Variants in KDM5B observed in about 807,000 individuals in gnomAD.
KDM5B encodes the protein lysine demethylase 5B.
A neutral mutation model predicts 193.4 loss-of-function variants in KDM5B; 144 were observed. The observed-to-expected ratio is 0.74, with a 90% CI of 0.65 to 0.86. KDM5B has a LOEUF of 0.86. Among genes scored for constraint, KDM5B ranks in the 40% least tolerant of loss-of-function variants. KDM5B has a pLI of 0.00. For synonymous variants in KDM5B, 668 were observed against 682.6 expected (o/e 0.98, Z 0.33); for missense variants, 1,833 against 1,886.9 (o/e 0.97, Z 0.53).
At chr1:202,808,070 C>G (rs370724142) in intron 1 of KDM5B, 32 bp downstream of exon 1, 1 of 1,599,178 alleles carries the variant, frequency 6.3e-7, no homozygotes, top group Non-Finnish European at 8.5e-7. Context: ...CCCCCAGCCA[C>G]GAGCTGGATC....
intron 4 of KDM5B, among the ~76,000 whole-genome samples, chr1:202,770,700 T>C (rs893543787): frequency 6.6e-6 from 1 of 152,194 alleles, no homozygotes; most frequent in African/African-American, 2.4e-5. Context: ...AAACCTAAGA[T>C]GCAATGATGT....
chr1:202,736,476 ATT>A, intron 20 of KDM5B, 84 bp from the exon 21 acceptor site: 2 of 1,076,498 alleles, frequency 1.9e-6, no homozygotes, highest in Non-Finnish European at 2.6e-6. Context: ...AGATTGGTCC[ATT>A]GAGTACTTCA....
chr1:202,792,896 C>T (rs919252768), intron 1 of KDM5B, among the ~76,000 whole-genome samples: 1 of 151,676 alleles, frequency 6.6e-6, no homozygotes, highest in East Asian at 1.9e-4. Context: ...GCTCCGGAGG[C>T]TGAGGCAGGA....
At chr1:202,739,603 T>C (rs1451876950) in intron 20 of KDM5B, among the ~76,000 whole-genome samples, 5 of 152,232 alleles carry the variant, frequency 3.3e-5, no homozygotes, top group Admixed American at 3.3e-4. Context: ...CTGGTTTTCC[T>C]AGGCAGAGGA....
rs1347311588 is a variant in KDM5B at position 202,728,047 on chromosome 1, A to G, written c.*989T>C. 2 of 152,242 alleles carry G rather than the reference A, an allele frequency of 1.3e-5. No individual in the cohort carries two copies. The highest frequency in any genetic ancestry group is 4.8e-5 in the African/African-American group (2 of 41,244). 9.4% of individuals were successfully genotyped at this position (152,242 alleles called of 1,614,324 possible). A position where few individuals can be genotyped will look rare whatever the true frequency, so the allele number is the denominator to read the frequency against. On this transcript the variant is annotated 3_prime_UTR_variant, in exon 27 of 27. Transcript: ENST00000367265. ...CACCAAACAGAGCAGGACACAAAAG[A>G]AGAATCCCCTAATGTTGTTTGCAGG...
At chr1:202,745,568 A>G (rs1448796229) in intron 16 of KDM5B, among the ~76,000 whole-genome samples, 2 of 152,142 alleles carry the variant, frequency 1.3e-5, no homozygotes, top group African/African-American at 2.4e-5. Flanking sequence ...GAAATGTGAA[A>G]TTTTTATTTC....
chr1:202,743,591 A>C (rs1655439345), intron 16 of KDM5B, among the ~76,000 whole-genome samples: 1 of 152,170 alleles, frequency 6.6e-6, no homozygotes, highest in Admixed American at 6.5e-5. Context: ...GGGCTACAGA[A>C]ATGGAAGCAA....
Position 202,753,858 on chromosome 1 carries a change from C to T in KDM5B, c.1539-791G>A, listed in dbSNP as rs142750169. Among the ~76,000 whole-genome samples the T allele has an allele frequency of 7.8e-3, 1,178 of 151,674 alleles. 18 individuals carry two copies. Among genetic ancestry groups the T allele is most frequent in the African/African-American group, 0.027 (1,109 of 41,374 alleles). ...CTAATTTTTGTATTTTTAGTGGACA[C>T]GGGGTTTCACCATGTTGCCAGGCTG... is the stretch of plus-strand genomic sequence containing the variant. On this transcript the variant is annotated intron_variant, in intron 11 of 26. Transcript: ENST00000367265.
intron 9 of KDM5B, among the ~76,000 whole-genome samples, chr1:202,757,721 TGA>T (rs1656077656): frequency 6.6e-6 from 1 of 151,930 alleles, no homozygotes; most frequent in African/African-American, 2.4e-5. Flanking sequence ...ATCCATAAAT[TGA>T]TACAGCAACT....
intron 9 of KDM5B, among the ~76,000 whole-genome samples, chr1:202,757,587 C>T (rs1296386361): frequency 6.6e-6 from 1 of 152,144 alleles, no homozygotes; most frequent in African/African-American, 2.4e-5. Flanking sequence ...ATAAGGAAGT[C>T]AAGAGAACTG....
rs142272028 is a variant in KDM5B at position 202,780,079 on chromosome 1, C to G, written c.205-2985G>C. 7.5e-3 allele frequency among the ~76,000 whole-genome samples: 1,135 copies of G among 152,190 alleles called. 7 individuals are homozygous for G. The highest frequency in any genetic ancestry group is 0.012 in the Admixed American group (176 of 15,282). ...AATGGCCAATCATAAGACTGGCACC[C>G]AACTTCACTCAAAATTCAAGAAATA... On this transcript the variant is annotated intron_variant, in intron 1 of 26. Transcript: ENST00000367265.
chr1:202,766,591 T>C (rs927188044), intron 5 of KDM5B: 2 of 432,904 alleles, frequency 4.6e-6, no homozygotes, highest in Non-Finnish European at 8.6e-6. Flanking sequence ...CTTCATGTTT[T>C]CTAGCCTTAA....
intron 14 of KDM5B, 26 bp downstream of exon 14, chr1:202,748,919 T>A (rs772976377): frequency 2.5e-6 from 4 of 1,570,544 alleles, no homozygotes; most frequent in Non-Finnish European, 3.5e-6. Context: ...AATGACAACA[T>A]GCAGTTGGAT....
chr1:202,765,912 T>C lies in KDM5B; in HGVS notation c.711+1014A>G, dbSNP rs535152971. ...GCTAGGCAGGAATCCAAAACCTTCA[T>C]ACCTCTGGTATGGGAACGAGATCAC... On this transcript the variant is annotated intron_variant, in intron 5 of 26. Transcript: ENST00000367265. 1.4e-3 allele frequency among the ~76,000 whole-genome samples: 213 copies of C among 152,326 alleles called. 2 individuals carry two copies. The highest frequency in any genetic ancestry group is 2.6e-3 in the Non-Finnish European group (177 of 68,014).
At chr1:202,801,212 G>A (rs992810217) in intron 1 of KDM5B, among the ~76,000 whole-genome samples, 2 of 151,950 alleles carry the variant, frequency 1.3e-5, no homozygotes, top group Non-Finnish European at 1.5e-5. Flanking sequence ...CTGAAGTGAC[G>A]GGTCTGGCAG....
Position 202,774,697 on chromosome 1 carries a change from A to T in KDM5B, c.321T>A (p.Ile107=). The T allele has an allele frequency of 1.2e-6, 2 of 1,613,202 alleles. No individual in the cohort carries two copies. Among genetic ancestry groups the T allele is most frequent in the East Asian group, 2.2e-5 (1 of 44,856 alleles). The change falls in exon 3 of 27, where the codon ATT becomes ATA. Residue 107 remains isoleucine, a synonymous_variant. Transcript: ENST00000367265. The part of the protein sequence containing the change: ...TRVKLNFLDQ[I]AKYWELQGST... ...TTCCCTGTAACTCCCAGTACTTTGC[A>T]ATCTGGTCCAAGAAATTCAATTTTA...
chr1:202,803,275 C>G (rs1230888732), intron 1 of KDM5B, among the ~76,000 whole-genome samples: 1 of 152,154 alleles, frequency 6.6e-6, no homozygotes, highest in Non-Finnish European at 1.5e-5. Flanking sequence ...TAAAACCATA[C>G]CCTATAACCA....
intron 1 of KDM5B, among the ~76,000 whole-genome samples, chr1:202,777,748 C>T (rs1009621522): frequency 1.3e-5 from 2 of 152,136 alleles, no homozygotes; most frequent in African/African-American, 4.8e-5. Context: ...ATCCTCCCAC[C>T]TTTGCCTCCC....
chr1:202,790,157 C>A lies in KDM5B; in HGVS notation c.205-13063G>T, dbSNP rs138679297. Among the ~76,000 whole-genome samples the A allele has an allele frequency of 7.8e-3, 1,180 of 152,128 alleles. 18 individuals carry two copies. The highest frequency in any genetic ancestry group is 0.027 in the African/African-American group (1,116 of 41,496). On this transcript the variant is annotated intron_variant, in intron 1 of 26. Coordinates refer to ENST00000367265, the MANE Select transcript of KDM5B (RefSeq NM_006618.5). Reference sequence around the variant, plus strand: ...GCACACACCTGTATTCCCAGCTACTCAGGAGGCTGAGGCAGGAGAATCTCA... The same window carrying A: ...GCACACACCTGTATTCCCAGCTACTAAGGAGGCTGAGGCAGGAGAATCTCA...
Sources: allele counts gnomAD v4.1 joint callset (sites outside exome capture counted in the v4.1 genomes callset), GRCh38; gene constraint gnomAD v4.1.1; transcripts MANE v1.5; gene names NCBI Gene and HGNC (gene_info 2026-07-23, HGNC 2026-07-21).